The following GK5 variants were observed in gnomAD, a reference collection of about 807,000 sequenced individuals.
The protein encoded by GK5 is glycerol kinase 5, also known as ATP:glycerol 3-phosphotransferase 5.
Under a neutral mutation model 77.3 loss-of-function variants are expected in GK5, and 39 were observed. The ratio of observed to expected loss-of-function variants is 0.50; its 90% CI spans 0.39 to 0.66. The LOEUF (loss-of-function observed/expected upper bound fraction) is 0.66. Among genes scored for constraint, GK5 ranks in the 30% least tolerant of loss-of-function variants. GK5 has a pLI of 0.00. For missense variants in GK5, 487 were observed against 633.8 expected (o/e 0.77, Z 2.49); for synonymous variants, 211 against 208.0 (o/e 1.01, Z -0.13).
At position 142,160,657 on chromosome 3, in the gene GK5, T is replaced by C. The variant is rs1169073097; in HGVS notation, c.*4965A>G. 6.6e-6 allele frequency: 1 copy of C among 152,250 alleles called. No homozygotes were observed. The allele number at this position is 152,250 out of a possible 1,614,324, so 9.4% of individuals were successfully genotyped here. ...AAAGCTTAAAAAGTTAATATATCTA[T>C]GTGTATTTACAGACATGTGTCTCTA... On this transcript the variant is annotated 3_prime_UTR_variant, in exon 16 of 16. Coordinates refer to ENST00000392993, the MANE Select transcript of GK5 (RefSeq NM_001039547.3).
chr3:142,214,245 T>C (rs1430292364), intron 2 of GK5, among the ~76,000 whole-genome samples: 1 of 152,192 alleles, frequency 6.6e-6, no homozygotes. Flanking sequence ...TGGATCTTAA[T>C]TTAAGCAATG....
Position 142,159,928 on chromosome 3 carries a change from A to T in GK5, c.*5694T>A, listed in dbSNP as rs1480582360. 1 of 149,848 alleles carries T rather than the reference A, an allele frequency of 6.7e-6. No homozygotes were observed. The highest frequency in any genetic ancestry group is 1.5e-5 in the Non-Finnish European group (1 of 67,740). 9.3% of individuals were successfully genotyped at this position (149,848 alleles called of 1,614,324 possible). Reference sequence around the variant, plus strand: ...AGTGGCCCAATCTCGGCTCACTGCAACCTCCACGTCCCGGGTTCAAGCAAT... The same window carrying T: ...AGTGGCCCAATCTCGGCTCACTGCATCCTCCACGTCCCGGGTTCAAGCAAT... On this transcript the variant is annotated 3_prime_UTR_variant, in exon 16 of 16. Coordinates refer to ENST00000392993, the MANE Select transcript of GK5 (RefSeq NM_001039547.3).
chr3:142,211,016 G>A (rs1176282781), intron 3 of GK5, among the ~76,000 whole-genome samples: 1 of 152,216 alleles, frequency 6.6e-6, no homozygotes, highest in Non-Finnish European at 1.5e-5. Context: ...AATTTGGTGG[G>A]AGCAGGGACC....
rs2063393656 is a variant in GK5 at position 142,157,763 on chromosome 3, C to A, written c.*7859G>T. On this transcript the variant is annotated 3_prime_UTR_variant, in exon 16 of 16. Coordinates refer to ENST00000392993, the MANE Select transcript of GK5 (RefSeq NM_001039547.3). ...ATTTTCCCCACAACAAAGAATTATC[C>A]CACTTCTCTAGTAATTTCCATCGTG... The A allele has an allele frequency of 6.6e-6, 1 of 151,940 alleles. No individual in the cohort carries two copies. The highest frequency in any genetic ancestry group is 1.5e-5 in the Non-Finnish European group (1 of 67,984). 9.4% of individuals were successfully genotyped at this position (151,940 alleles called of 1,614,324 possible). A position where few individuals can be genotyped will look rare whatever the true frequency, so the allele number is the denominator to read the frequency against.
At chr3:142,191,313 C>A (rs1228448678) in intron 5 of GK5, among the ~76,000 whole-genome samples, 2 of 151,876 alleles carry the variant, frequency 1.3e-5, no homozygotes, top group African/African-American at 4.8e-5. Flanking sequence ...CAGGCATGAG[C>A]CACTGCGCCC....
intron 1 of GK5, 112 bp downstream of exon 1, chr3:142,225,197 G>T: frequency 3.3e-6 from 4 of 1,205,580 alleles, no homozygotes; most frequent in Non-Finnish European, 4.4e-6. Context: ...GGTGCTGCAG[G>T]TGGCCGCGTC....
chr3:142,204,053 G>A lies in GK5; in HGVS notation c.411+642C>T, dbSNP rs1346467541. ...GTTGGCTTTGAGACAGGATCTCACC[G>A]TGTCACCCAGACAGAGTGCCCTGGA... On this transcript the variant is annotated intron_variant, in intron 4 of 15. Transcript: ENST00000392993. Among the ~76,000 whole-genome samples the A allele has an allele frequency of 5.3e-5, 8 of 152,198 alleles. No individual in the cohort carries two copies. In the East Asian group the frequency reaches 1.5e-3, roughly 29 times the overall value.
intron 14 of GK5, among the ~76,000 whole-genome samples, chr3:142,170,803 C>T (rs945546660): frequency 1.4e-5 from 2 of 142,708 alleles, no homozygotes; most frequent in Non-Finnish European, 3.1e-5. Flanking sequence ...AGGATATACA[C>T]CCAAAAAAGA....
intron 1 of GK5, 92 bp downstream of exon 1, chr3:142,225,217 A>G (rs1238959333): frequency 7.5e-7 from 1 of 1,329,110 alleles, no homozygotes. Context: ...CCAGGGCGGT[A>G]GGTGGGGCCT....
chr3:142,215,295 T>C (rs778337588), intron 2 of GK5, among the ~76,000 whole-genome samples: 19 of 152,218 alleles, frequency 1.2e-4, no homozygotes, highest in Admixed American at 2.0e-4. Flanking sequence ...TATAATCCTC[T>C]GGTATTTTGT....
intron 3 of GK5, among the ~76,000 whole-genome samples, chr3:142,211,689 G>C (rs903311277): frequency 6.6e-6 from 1 of 152,208 alleles, no homozygotes; most frequent in Non-Finnish European, 1.5e-5. Context: ...AGCTACTTGG[G>C]AGGCTGATGT....
At chr3:142,193,439 T>C (rs907044606) in intron 5 of GK5, among the ~76,000 whole-genome samples, 3 of 151,548 alleles carry the variant, frequency 2.0e-5, no homozygotes, top group African/African-American at 7.3e-5. Flanking sequence ...CTAATCTGGG[T>C]TCCTCAAATT....
At chr3:142,200,445 G>A (rs1377909170) in intron 4 of GK5, among the ~76,000 whole-genome samples, 3 of 152,156 alleles carry the variant, frequency 2.0e-5, no homozygotes, top group Non-Finnish European at 4.4e-5. Context: ...TGGGATTACA[G>A]GCGTGAACCA....
intron 4 of GK5, among the ~76,000 whole-genome samples, chr3:142,200,269 A>G (rs985791676): frequency 1.3e-5 from 2 of 152,142 alleles, no homozygotes; most frequent in Admixed American, 1.3e-4. Flanking sequence ...CCCAGGTTCA[A>G]GCAATTCTCC....
rs1273798803 is a variant in GK5, at chr3:142,195,854, AATTGTCTATTTTCCCCTTCT to A, written c.543+2928_543+2947del. ...TTAAAGTCTCCAACTATTACTATTC[AATTGTCTATTTTCCCCTTCT>A]ATTTTTTGGAAGAATTTGTGAAAGG... On this transcript the variant is annotated intron_variant, in intron 5 of 15. Transcript: ENST00000392993. Among the ~76,000 whole-genome samples, 12 of 152,194 alleles carry A rather than the reference AATTGTCTATTTTCCCCTTCT, an allele frequency of 7.9e-5. No individual in the cohort carries two copies. The East Asian group carries it at 1.9e-3, about 24-fold the overall frequency.
chr3:142,221,122 A>G (rs2064340942), intron 1 of GK5, among the ~76,000 whole-genome samples: 1 of 152,224 alleles, frequency 6.6e-6, no homozygotes, highest in Non-Finnish European at 1.5e-5. Flanking sequence ...AAATAAAGAA[A>G]AAAGGAACTC....
At chr3:142,186,431 A>G (rs1382389602) in intron 7 of GK5, 21 bp downstream of exon 7, 3 of 1,417,764 alleles carry the variant, frequency 2.1e-6, no homozygotes, top group African/African-American at 1.5e-5. Flanking sequence ...TGATTCAAAA[A>G]GAAGAAAAAA....
chr3:142,201,360 T>TG (rs1329060298), intron 4 of GK5, among the ~76,000 whole-genome samples: 2 of 152,242 alleles, frequency 1.3e-5, no homozygotes, highest in East Asian at 1.9e-4. Context: ...TTATACTAAG[T>TG]GAAAAAAGCA....
At chr3:142,185,882 C>G (rs765645835) in intron 9 of GK5, 47 bp downstream of exon 9, 1 of 1,555,586 alleles carries the variant, frequency 6.4e-7, no homozygotes, top group South Asian at 1.2e-5. Context: ...ATACATATTA[C>G]TTTAGTTTAT....
Sources: allele counts gnomAD v4.1 joint callset (sites outside exome capture counted in the v4.1 genomes callset), GRCh38; gene constraint gnomAD v4.1.1; transcripts MANE v1.5; gene names NCBI Gene and HGNC (gene_info 2026-07-23, HGNC 2026-07-21).